Variants in SLC1A7 observed in about 807,000 individuals in gnomAD.
The protein encoded by SLC1A7 is solute carrier family 1 member 7.
Under a neutral mutation model 47.7 loss-of-function variants are expected in SLC1A7, and 40 were observed. The ratio of observed to expected loss-of-function variants is 0.84; its 90% confidence interval spans 0.65 to 1.09. The LOEUF is 1.09. SLC1A7 is among the 50% of genes least tolerant of loss of function. The pLI, the probability that SLC1A7 is intolerant of heterozygous loss-of-function variation, is 0.00. For missense variants in SLC1A7, 746 were observed against 769.5 expected (o/e 0.97, Z 0.36); for synonymous variants, 323 against 325.6 (o/e 0.99, Z 0.09).
intron 6 of SLC1A7, 80 bp from the exon 7 acceptor site, chr1:53,092,867 C>T: frequency 1.1e-6 from 1 of 938,290 alleles, no homozygotes; most frequent in Non-Finnish European, 1.7e-6. Flanking sequence ...GCTGCGCGGC[C>T]TTCCCCCTGA....
intron 2 of SLC1A7, among the ~76,000 whole-genome samples, chr1:53,117,751 C>G (rs1031579179): frequency 6.6e-6 from 1 of 152,168 alleles, no homozygotes. Flanking sequence ...GGCCCCCCAC[C>G]GGGGACGAAG....
At chr1:53,123,311 CTGGAG>C (rs1557685386) in intron 2 of SLC1A7, among the ~76,000 whole-genome samples, 2 of 152,228 alleles carry the variant, frequency 1.3e-5, no homozygotes, top group Non-Finnish European at 2.9e-5. Context: ...AGCAGGGCCC[CTGGAG>C]TCTGCCCCGC....
intron 2 of SLC1A7, among the ~76,000 whole-genome samples, chr1:53,124,371 A>G (rs1769307): frequency 0.99 from 149,937 of 152,144 alleles, 73,921 homozygotes; most frequent in Middle Eastern, 1. Context: ...TCTATCATGC[A>G]CAGCCCTAGT....
At chr1:53,117,955 C>T (rs1644779154) in intron 2 of SLC1A7, among the ~76,000 whole-genome samples, 1 of 152,252 alleles carries the variant, frequency 6.6e-6, no homozygotes, top group Admixed American at 6.5e-5. Context: ...TCCCTCCCTT[C>T]CCACAAATGG....
chr1:53,100,958 A>G (rs1040521070), intron 5 of SLC1A7, among the ~76,000 whole-genome samples: 3 of 150,580 alleles, frequency 2.0e-5, no homozygotes, highest in African/African-American at 7.4e-5. Flanking sequence ...ACACTCCCAC[A>G]CCGCACCTTG....
chr1:53,100,443 C>T (rs1483704400), intron 5 of SLC1A7, among the ~76,000 whole-genome samples: 1 of 150,890 alleles, frequency 6.6e-6, no homozygotes, highest in Non-Finnish European at 1.5e-5. Flanking sequence ...CTCACACGTC[C>T]CACCTCGGTC....
chr1:53,112,495 C>T (rs566730016), intron 3 of SLC1A7, among the ~76,000 whole-genome samples: 1 of 152,366 alleles, frequency 6.6e-6, no homozygotes, highest in East Asian at 1.9e-4. Context: ...CTAGCTGATA[C>T]AGGGAACGAG....
chr1:53,116,946 G>A (rs892896449), intron 2 of SLC1A7, among the ~76,000 whole-genome samples: 1 of 152,236 alleles, frequency 6.6e-6, no homozygotes, highest in African/African-American at 2.4e-5. Context: ...AATGGGGAGG[G>A]AGAAGGAAAG....
At chr1:53,097,938 TACACTCACACACCATGCCTC>T (rs1226123040) in intron 5 of SLC1A7, among the ~76,000 whole-genome samples, 3 of 38,120 alleles carry the variant, frequency 7.9e-5, no homozygotes, top group Non-Finnish European at 3.4e-4. Flanking sequence ...CCCACCTCGG[TACACTCACACACCATGCCTC>T]GGTACACTCA....
At chr1:53,140,793 G>A (rs962653457) in intron 1 of SLC1A7, among the ~76,000 whole-genome samples, 1 of 152,112 alleles carries the variant, frequency 6.6e-6, no homozygotes, top group Non-Finnish European at 1.5e-5. Context: ...GAGGAGAGAG[G>A]ATATTGCCTA....
intron 2 of SLC1A7, among the ~76,000 whole-genome samples, chr1:53,124,305 A>AG (rs35617939): frequency 0.21 from 31,677 of 151,304 alleles, 4,097 homozygotes; most frequent in South Asian, 0.42. Context: ...AGCTTCACAG[A>AG]CAAACCCACA....
intron 1 of SLC1A7, among the ~76,000 whole-genome samples, chr1:53,139,632 C>T (rs75431081): frequency 0.08 from 12,210 of 152,260 alleles, 598 homozygotes; most frequent in African/African-American, 0.14. Flanking sequence ...TGCTCTGTTA[C>T]GTTCTGGAGT....
intron 6 of SLC1A7, 21 bp downstream of exon 6, chr1:53,093,440 T>A (rs377657816): frequency 1.9e-6 from 3 of 1,582,126 alleles, no homozygotes; most frequent in Non-Finnish European, 8.6e-7. Flanking sequence ...CGGGGTGAGG[T>A]GGGTAAATGA....
intron 6 of SLC1A7, among the ~76,000 whole-genome samples, 178 bp downstream of exon 6, chr1:53,093,283 C>T (rs1644446222): frequency 1.3e-5 from 2 of 152,200 alleles, no homozygotes; most frequent in Admixed American, 1.3e-4. Context: ...AGGGCCGGAG[C>T]CAGGCCTGGC....
At position 53,088,878 on chromosome 1, in the gene SLC1A7, T is replaced by G. The variant is rs754064713; in HGVS notation, c.1463A>C (p.Glu488Ala). Residue 488 changes from glutamate (E) to alanine (A), a missense_variant and splice_region_variant, in exon 10 of 11, where the codon GAG (glutamate) becomes GCG (alanine). Physicochemically the swap from Glu to Ala is moderately radical, Grantham distance 107. Coordinates refer to ENST00000371494, the MANE Select transcript of SLC1A7 (RefSeq NM_006671.6). ...GCCTCTGGATCTCACTGCTCTCACC[T>G]CGGTGCCTGTGTCCCGGGCAAAATC... is the stretch of plus-strand genomic sequence containing the variant. The part of the protein sequence containing the change: ...RKDFARDTGT[E>A]KLLPCETKPV... 3.7e-6 allele frequency: 6 copies of G among 1,612,950 alleles called. No individual in the cohort carries two copies. The East Asian group carries it at 1.3e-4, about 36-fold the overall frequency.
rs780676640 is a variant in SLC1A7 at position 53,092,539 on chromosome 1, C to T, written c.1031+15G>A. The T allele has an allele frequency of 2.1e-5, 33 of 1,592,206 alleles. No individual in the cohort carries two copies. Among genetic ancestry groups the T allele is most frequent in the South Asian group, 1.8e-4 (16 of 90,554 alleles). On this transcript the variant is annotated intron_variant, in intron 7 of 10. Transcript: ENST00000371494. ...CCTCCCAGCTCCCCACCGTCCTGCC[C>T]GTCCCCGGGGCTACCTGGAGGAGGT...
intron 2 of SLC1A7, among the ~76,000 whole-genome samples, chr1:53,118,078 G>C (rs532427873): frequency 2.6e-5 from 4 of 152,382 alleles, no homozygotes; most frequent in African/African-American, 9.6e-5. Context: ...CAAGAAGAAT[G>C]GGAGCTGGGC....
intron 2 of SLC1A7, among the ~76,000 whole-genome samples, chr1:53,133,609 A>G (rs1172787575): frequency 4.6e-5 from 7 of 152,164 alleles, no homozygotes; most frequent in African/African-American, 1.7e-4. Flanking sequence ...GCAGCCACTC[A>G]TTATACATCT....
At chr1:53,089,599 C>A (rs1054634318) in intron 9 of SLC1A7, among the ~76,000 whole-genome samples, 1 of 152,158 alleles carries the variant, frequency 6.6e-6, no homozygotes, top group Non-Finnish European at 1.5e-5. Context: ...GACTGGGTTC[C>A]ACATTTTCAT....
Sources: gnomAD v4.1 joint callset for allele counts (sites outside exome capture counted in the v4.1 genomes callset) on GRCh38, gnomAD v4.1.1 for gene constraint, MANE v1.5 for transcripts, NCBI Gene and HGNC (gene_info 2026-07-23, HGNC 2026-07-21) for gene names.